The following NFIB variants were observed in gnomAD, a reference collection of about 807,000 sequenced individuals.
NFIB encodes nuclear factor I B, also known as nuclear factor 1 B-type.
In NFIB, 11 loss-of-function variants were observed where a neutral mutation model predicts 61.5. The observed-to-expected ratio is 0.18, with a 90% CI of 0.11 to 0.30. The LOEUF (loss-of-function observed/expected upper bound fraction) is 0.30. Ranked by LOEUF, NFIB falls within the 10% of genes least tolerant of loss-of-function variation. The probability of loss-of-function intolerance (pLI) is 1.00; values close to 1 mark genes in which losing one functional copy is unlikely to be tolerated. For missense variants in NFIB, 471 were observed against 608.9 expected (o/e 0.77, Z 2.38); for synonymous variants, 260 against 216.5 (o/e 1.20, Z -1.76).
intron 1 of NFIB, among the ~76,000 whole-genome samples, chr9:14,329,568 G>T (rs1306674768): frequency 6.6e-6 from 1 of 151,912 alleles, no homozygotes; most frequent in Non-Finnish European, 1.5e-5. Flanking sequence ...AGGCTGGAGT[G>T]CAGTGGCGCA....
rs1463076776 is a variant in NFIB, at chr9:14,087,919, G to A, written c.*390C>T. 4.1e-6 allele frequency: 1 copy of A among 244,406 alleles called. No individual in the cohort carries two copies. The highest frequency in any genetic ancestry group is 8.0e-6 in the Non-Finnish European group (1 of 124,752). 15.1% of individuals were successfully genotyped at this position (244,406 alleles called of 1,614,324 possible). Reference sequence around the variant, plus strand: ...GTCAGTTAAAATATATTGTCATAGAGACAGAACATCTATTTCCCAGCGGAC... The same window carrying A: ...GTCAGTTAAAATATATTGTCATAGAAACAGAACATCTATTTCCCAGCGGAC... On this transcript the variant is annotated 3_prime_UTR_variant, in exon 11 of 11. Coordinates refer to ENST00000380953, the MANE Select transcript of NFIB (RefSeq NM_001190737.2).
chr9:14,302,426 C>A (rs965705729), intron 2 of NFIB, among the ~76,000 whole-genome samples: 4 of 152,112 alleles, frequency 2.6e-5, no homozygotes, highest in Non-Finnish European at 2.9e-5. Context: ...ATTATTATAA[C>A]ATTTAACAAT....
intron 8 of NFIB, 46 bp from the exon 9 acceptor site, chr9:14,116,392 G>C (rs2038144454): frequency 2.8e-6 from 4 of 1,433,284 alleles, no homozygotes; most frequent in Non-Finnish European, 3.7e-6. Context: ...CCAAAAGGCA[G>C]TCATCTTGTT....
chr9:14,466,489 C>G, the NFIB span, among the ~76,000 whole-genome samples: 1 of 152,204 alleles, frequency 6.6e-6, no homozygotes, highest in East Asian at 1.9e-4. Flanking sequence ...CCTCATACTT[C>G]CCACTCTGTT....
At chr9:14,279,429 T>C (rs1315228646) in intron 2 of NFIB, among the ~76,000 whole-genome samples, 1 of 152,082 alleles carries the variant, frequency 6.6e-6, no homozygotes, top group Non-Finnish European at 1.5e-5. Context: ...CCACCTGAGA[T>C]TGAGACCTTA....
intron 2 of NFIB, among the ~76,000 whole-genome samples, chr9:14,181,854 G>A (rs1483252722): frequency 6.6e-6 from 1 of 152,182 alleles, no homozygotes; most frequent in Non-Finnish European, 1.5e-5. Context: ...GATGACACCT[G>A]AGATAGTTAA....
At chr9:14,513,310 A>C in the NFIB span, among the ~76,000 whole-genome samples, 1 of 152,158 alleles carries the variant, frequency 6.6e-6, no homozygotes, top group African/African-American at 2.4e-5. Context: ...GTAAAGGTTT[A>C]ATTCACTTAT....
At chr9:14,486,056 C>T in the NFIB span, among the ~76,000 whole-genome samples, 3 of 152,046 alleles carry the variant, frequency 2.0e-5, no homozygotes, top group African/African-American at 7.2e-5. Context: ...TGACATGGAC[C>T]TCGGGTGTCA....
chr9:14,125,556 C>G (rs1563810094), intron 7 of NFIB, 76 bp downstream of exon 7: 4 of 1,565,146 alleles, frequency 2.6e-6, no homozygotes, highest in East Asian at 4.5e-5. Context: ...TATTTATAAA[C>G]TTTTGCTCCG....
chr9:14,457,428 C>A, the NFIB span, among the ~76,000 whole-genome samples: 1 of 152,078 alleles, frequency 6.6e-6, no homozygotes, highest in Non-Finnish European at 1.5e-5. Context: ...CTAAAATTGA[C>A]ACCCTAACAT....
chr9:14,516,640 T>A, the NFIB span, among the ~76,000 whole-genome samples: 2 of 152,326 alleles, frequency 1.3e-5, no homozygotes, highest in East Asian at 3.9e-4. Context: ...AGATGCAATC[T>A]TTTTCCAATA....
At chr9:14,188,279 G>A (rs2047593401) in intron 2 of NFIB, among the ~76,000 whole-genome samples, 1 of 152,072 alleles carries the variant, frequency 6.6e-6, no homozygotes, top group South Asian at 2.1e-4. Context: ...TAAACTGGTC[G>A]AGTTAGGGAA....
the NFIB span, among the ~76,000 whole-genome samples, chr9:14,473,858 C>T: frequency 6.6e-6 from 1 of 152,110 alleles, no homozygotes; most frequent in Non-Finnish European, 1.5e-5. Flanking sequence ...GGAAGATTTC[C>T]AACATACAAA....
chr9:14,404,134 T>G, the NFIB span, among the ~76,000 whole-genome samples: 1 of 152,182 alleles, frequency 6.6e-6, no homozygotes, highest in East Asian at 1.9e-4. Flanking sequence ...AGTCAGAAAC[T>G]AGGCAGGAGA....
At chr9:14,522,469 T>TA in the NFIB span, among the ~76,000 whole-genome samples, 4 of 152,080 alleles carry the variant, frequency 2.6e-5, no homozygotes, top group South Asian at 4.2e-4. Flanking sequence ...TATGTATGGA[T>TA]AAAAAAAAGC....
chr9:14,106,440 A>G lies in NFIB; in HGVS notation c.1467+6559T>C, dbSNP rs79631496. ...CAAAAAAGCTATCAGTAAAGGGGGAAGGTTGGAACAGTTTAAACAAATAAG... is the reference window on the plus strand; with the variant it reads ...CAAAAAAGCTATCAGTAAAGGGGGAGGGTTGGAACAGTTTAAACAAATAAG... On this transcript the variant is annotated intron_variant, in intron 10 of 10. Transcript: ENST00000380953. Among the ~76,000 whole-genome samples, 1,452 of 152,270 alleles carry G rather than the reference A, an allele frequency of 9.5e-3. 35 individuals carry two copies. Among genetic ancestry groups the G allele is most frequent in the African/African-American group, 0.033 (1,389 of 41,582 alleles).
intron 10 of NFIB, among the ~76,000 whole-genome samples, chr9:14,103,839 T>C (rs557487459): frequency 6.6e-6 from 1 of 152,290 alleles, no homozygotes; most frequent in East Asian, 1.9e-4. Context: ...GATCAACAGA[T>C]TGATAGACAT....
intron 2 of NFIB, among the ~76,000 whole-genome samples, chr9:14,249,599 T>C (rs1047532119): frequency 3.9e-5 from 6 of 152,122 alleles, no homozygotes; most frequent in Admixed American, 1.3e-4. Flanking sequence ...ATCATGATTA[T>C]TGCATATCAT....
chr9:14,514,493 G>T, the NFIB span, among the ~76,000 whole-genome samples: 8,701 of 152,192 alleles, frequency 0.057, 271 homozygotes, highest in Non-Finnish European at 0.066. Flanking sequence ...GGAAGAAGAA[G>T]TTGCTTTCTC....
Sources: allele counts gnomAD v4.1 joint callset (sites outside exome capture counted in the v4.1 genomes callset), GRCh38; gene constraint gnomAD v4.1.1; transcripts MANE v1.5; gene names NCBI Gene and HGNC (gene_info 2026-07-23, HGNC 2026-07-21).